Variants in ROBO2 observed in about 807,000 individuals in gnomAD.
ROBO2 encodes roundabout guidance receptor 2, also known as roundabout homolog 2.
In ROBO2, 53 loss-of-function variants were observed where a neutral mutation model predicts 160.8. That is an observed-to-expected ratio of 0.33 (90% CI 0.26 to 0.41). ROBO2 has a LOEUF of 0.41. Ranked by LOEUF, ROBO2 falls within the 10% of genes least tolerant of loss-of-function variation. The pLI, the probability that ROBO2 is intolerant of heterozygous loss-of-function variation, is 1.00. For missense variants in ROBO2, 1,577 were observed against 1,722.4 expected (o/e 0.92, Z 1.49); for synonymous variants, 664 against 611.7 (o/e 1.09, Z -1.26).
chr3:76,556,838 C>G (rs1444381425), intron 2 of ROBO2, among the ~76,000 whole-genome samples: 1 of 152,036 alleles, frequency 6.6e-6, no homozygotes, highest in Non-Finnish European at 1.5e-5. Flanking sequence ...ATAAGTTGTA[C>G]AACAGCCTGA....
chr3:77,056,532 C>T (rs1446297655), intron 1 of ROBO2, among the ~76,000 whole-genome samples: 2 of 151,932 alleles, frequency 1.3e-5, no homozygotes, highest in African/African-American at 4.8e-5. Context: ...CCTCTTATTT[C>T]TTTGAAATTG....
intron 2 of ROBO2, among the ~76,000 whole-genome samples, chr3:75,988,943 T>C (rs2065489996): frequency 6.6e-6 from 1 of 151,888 alleles, no homozygotes; most frequent in South Asian, 2.1e-4. Flanking sequence ...TTAATATAAG[T>C]TTAAAATCTT....
At chr3:76,050,939 G>A (rs1261164168) in intron 2 of ROBO2, among the ~76,000 whole-genome samples, 1 of 152,138 alleles carries the variant, frequency 6.6e-6, no homozygotes. Flanking sequence ...GCTCTTCCTT[G>A]TTGCCTGCCC....
At chr3:77,292,178 G>A (rs139078621) in intron 2 of ROBO2, among the ~76,000 whole-genome samples, 41,556 of 103,428 alleles carry the variant, frequency 0.4, 6,800 homozygotes, top group South Asian at 0.5. Flanking sequence ...GCTAGATCAC[G>A]CCAGACATAA....
chr3:77,183,327 T>C (rs1223207684), intron 2 of ROBO2, among the ~76,000 whole-genome samples: 1 of 152,042 alleles, frequency 6.6e-6, no homozygotes. Context: ...TGGGCTGAGT[T>C]ATTTCCTCAC....
At chr3:76,037,641 G>T (rs1223985254) in intron 2 of ROBO2, among the ~76,000 whole-genome samples, 3 of 151,874 alleles carry the variant, frequency 2.0e-5, no homozygotes, top group East Asian at 1.9e-4. Context: ...AGGCACTGGG[G>T]ATTGACTAAA....
intron 2 of ROBO2, among the ~76,000 whole-genome samples, chr3:76,616,652 G>C (rs1198276195): frequency 3.3e-5 from 5 of 152,178 alleles, no homozygotes; most frequent in Non-Finnish European, 5.9e-5. Context: ...GGAGTCACAC[G>C]AACTGTGCTT....
intron 2 of ROBO2, among the ~76,000 whole-genome samples, chr3:77,460,681 A>G (rs1434038817): frequency 6.6e-6 from 1 of 152,164 alleles, no homozygotes; most frequent in African/African-American, 2.4e-5. Flanking sequence ...TAATGATTTC[A>G]TTATGTAGGA....
intron 2 of ROBO2, among the ~76,000 whole-genome samples, chr3:77,134,280 T>C (rs1188613552): frequency 6.6e-6 from 1 of 152,236 alleles, no homozygotes; most frequent in East Asian, 1.9e-4. Context: ...TTCTCCATGA[T>C]AGGTAAGCTT....
At chr3:77,499,461 G>T (rs529438122) in intron 5 of ROBO2, among the ~76,000 whole-genome samples, 3 of 152,050 alleles carry the variant, frequency 2.0e-5, no homozygotes, top group African/African-American at 4.8e-5. Context: ...CACATACATG[G>T]TGCCTCAGTT....
chr3:76,193,169 G>A (rs1206372730), intron 2 of ROBO2, among the ~76,000 whole-genome samples: 2 of 152,036 alleles, frequency 1.3e-5, no homozygotes, highest in African/African-American at 4.8e-5. Context: ...CTGGTTATCT[G>A]TAAGAATTAT....
chr3:76,376,999 T>C (rs2076380657), intron 2 of ROBO2, among the ~76,000 whole-genome samples: 1 of 152,158 alleles, frequency 6.6e-6, no homozygotes, highest in African/African-American at 2.4e-5. Flanking sequence ...GGCTACATGA[T>C]TGGCAATTTT....
intron 2 of ROBO2, among the ~76,000 whole-genome samples, chr3:76,104,363 C>T (rs2069831734): frequency 1.3e-5 from 2 of 152,012 alleles, no homozygotes; most frequent in Admixed American, 1.3e-4. Context: ...AGGTTGAAGG[C>T]ATTAAAATGT....
intron 2 of ROBO2, among the ~76,000 whole-genome samples, chr3:76,899,835 T>C (rs1239924321): frequency 1.3e-5 from 2 of 152,256 alleles, no homozygotes; most frequent in East Asian, 1.9e-4. Context: ...TATATTATGA[T>C]GCTCATAAGT....
intron 1 of ROBO2, among the ~76,000 whole-genome samples, chr3:77,077,230 G>T (rs2068108109): frequency 6.6e-6 from 1 of 152,104 alleles, no homozygotes; most frequent in African/African-American, 2.4e-5. Flanking sequence ...AAAGCTTGTG[G>T]TGAGAATGAA....
chr3:76,285,178 T>A (rs1015344765), intron 2 of ROBO2, among the ~76,000 whole-genome samples: 6 of 152,168 alleles, frequency 3.9e-5, no homozygotes, highest in African/African-American at 4.8e-5. Context: ...ATTAAAAAGT[T>A]CAAGTAGTCA....
At chr3:77,196,325 C>CTTTT (rs57448784) in intron 2 of ROBO2, among the ~76,000 whole-genome samples, 1 of 141,728 alleles carries the variant, frequency 7.1e-6, no homozygotes, top group Non-Finnish European at 1.5e-5. Flanking sequence ...AAATACCCTG[C>CTTTT]TTTTTTTTTT....
At chr3:76,171,571 T>C (rs1007431149) in intron 2 of ROBO2, among the ~76,000 whole-genome samples, 4 of 152,108 alleles carry the variant, frequency 2.6e-5, no homozygotes, top group Non-Finnish European at 2.9e-5. Flanking sequence ...GTGTGAGCAG[T>C]AGATTATGGA....
At chr3:77,368,944 C>T (rs906869659) in intron 2 of ROBO2, among the ~76,000 whole-genome samples, 10 of 152,098 alleles carry the variant, frequency 6.6e-5, no homozygotes, top group East Asian at 3.9e-4. Flanking sequence ...TTAATTAATT[C>T]GAAAATTATG....
Sources: allele counts gnomAD v4.1 joint callset (sites outside exome capture counted in the v4.1 genomes callset), GRCh38; gene constraint gnomAD v4.1.1; transcripts MANE v1.5; gene names NCBI Gene and HGNC (gene_info 2026-07-23, HGNC 2026-07-21).